Variants in DLGAP2 observed in about 807,000 individuals in gnomAD.
DLGAP2 encodes the protein DLG associated protein 2.
DLGAP2 carries 26 observed loss-of-function variants against 100.3 expected under a neutral mutation model. The observed-to-expected ratio is 0.26, with a 90% CI of 0.19 to 0.36. The LOEUF (loss-of-function observed/expected upper bound fraction) is 0.36. DLGAP2 is among the 10% of genes least tolerant of loss of function. The pLI is 1.00. For missense variants in DLGAP2, 1,858 were observed against 1,453.2 expected (o/e 1.28, Z -4.53); for synonymous variants, 886 against 630.1 (o/e 1.41, Z -6.08).
At chr8:1,164,892 C>A (rs1047357425) in intron 2 of DLGAP2, among the ~76,000 whole-genome samples, 3 of 152,062 alleles carry the variant, frequency 2.0e-5, no homozygotes, top group Non-Finnish European at 4.4e-5. Context: ...CTCTTGACCT[C>A]GTCTCCTGTA....
chr8:928,830 A>G (rs997949293), intron 2 of DLGAP2, among the ~76,000 whole-genome samples: 43 of 151,984 alleles, frequency 2.8e-4, no homozygotes, highest in African/African-American at 1.0e-3. Context: ...GATTTCACAG[A>G]GGAGGAAACA....
intron 2 of DLGAP2, among the ~76,000 whole-genome samples, chr8:1,132,411 T>C (rs1245788415): frequency 2.0e-5 from 3 of 152,206 alleles, no homozygotes; most frequent in East Asian, 3.8e-4. Flanking sequence ...ACAGTTAAGC[T>C]ACTTGTCTTT....
intron 2 of DLGAP2, among the ~76,000 whole-genome samples, chr8:1,130,511 T>C (rs1169521410): frequency 6.6e-6 from 1 of 152,196 alleles, no homozygotes; most frequent in Non-Finnish European, 1.5e-5. Context: ...GGATGGAGGC[T>C]CAATTAGGTG....
At chr8:915,549 A>G (rs1311151681) in intron 2 of DLGAP2, among the ~76,000 whole-genome samples, 1 of 54,746 alleles carries the variant, frequency 1.8e-5, no homozygotes, top group Non-Finnish European at 4.6e-5. Flanking sequence ...TCCATCTCTA[A>G]AAAAAAAAAA....
At chr8:932,315 A>C (rs1584900798) in intron 2 of DLGAP2, among the ~76,000 whole-genome samples, 1 of 152,236 alleles carries the variant, frequency 6.6e-6, no homozygotes, top group Admixed American at 6.5e-5. Flanking sequence ...CACACTGTGA[A>C]TAATTCATAG....
intron 3 of DLGAP2, among the ~76,000 whole-genome samples, chr8:1,460,229 A>G (rs550435115): frequency 2.0e-5 from 3 of 152,174 alleles, no homozygotes; most frequent in Non-Finnish European, 4.4e-5. Flanking sequence ...ACTGAAGACC[A>G]CTTGCTCCAA....
intron 1 of DLGAP2, among the ~76,000 whole-genome samples, chr8:804,135 T>C (rs1053798552): frequency 6.6e-6 from 1 of 152,172 alleles, no homozygotes; most frequent in Non-Finnish European, 1.5e-5. Flanking sequence ...AGGATTCTCA[T>C]TGTGGAGATC....
At position 1,427,100 on chromosome 8, in the gene DLGAP2, A is replaced by G. The variant is rs1797258031; in HGVS notation, c.107-74266A>G. ...GGCAAAATACAAAATAAAAGATAAG[A>G]AACACTACATAGGTTAAAAATCCAA... On this transcript the variant is annotated intron_variant, in intron 3 of 14. Transcript: ENST00000637795. Among the ~76,000 whole-genome samples, 3 of 152,244 alleles carry G rather than the reference A, an allele frequency of 2.0e-5. 1 individual carries two copies. The South Asian group carries it at 6.2e-4, about 31-fold the overall frequency.
chr8:759,812 G>T (rs752249687), intron 1 of DLGAP2, among the ~76,000 whole-genome samples: 6 of 152,150 alleles, frequency 3.9e-5, no homozygotes, highest in Non-Finnish European at 5.9e-5. Flanking sequence ...GTTGCTTTTA[G>T]TTCTTCCTTT....
intron 2 of DLGAP2, among the ~76,000 whole-genome samples, chr8:1,201,588 G>A (rs549554870): frequency 2.0e-5 from 3 of 152,264 alleles, no homozygotes; most frequent in South Asian, 4.1e-4. Flanking sequence ...TGTGGTCACC[G>A]GCACGGCAGG....
intron 2 of DLGAP2, among the ~76,000 whole-genome samples, chr8:1,185,935 G>C (rs941757918): frequency 1.3e-5 from 2 of 152,082 alleles, no homozygotes; most frequent in African/African-American, 4.8e-5. Flanking sequence ...TTCTCGCCTC[G>C]GAGTTCCATG....
At chr8:951,668 G>A (rs189953623) in intron 2 of DLGAP2, among the ~76,000 whole-genome samples, 31 of 152,266 alleles carry the variant, frequency 2.0e-4, no homozygotes, top group Non-Finnish European at 3.1e-4. Flanking sequence ...TGTGTACTGC[G>A]TGGCATGCTG....
chr8:1,252,601 T>A (rs1181605938), intron 2 of DLGAP2, among the ~76,000 whole-genome samples: 1 of 152,280 alleles, frequency 6.6e-6, no homozygotes, highest in Non-Finnish European at 1.5e-5. Flanking sequence ...TTACATCAAT[T>A]GCTTGCATGA....
rs568697416 is a variant in DLGAP2, at chr8:1,501,479, G to C, written c.172+48G>C. ...GCTCTGGCGGGGCCCGGACAGAACC[G>C]GGCATGCTCCGGGCACCTCCCATCA... is the stretch of plus-strand genomic sequence containing the variant. On this transcript the variant is annotated intron_variant, in intron 4 of 14. Transcript: ENST00000637795. The C allele has an allele frequency of 4.6e-6, 7 of 1,520,948 alleles. No individual in the cohort carries two copies. The South Asian group carries it at 7.2e-5, about 16-fold the overall frequency. The allele number at this position is 1,520,948 out of a possible 1,614,324, so 94.2% of individuals were successfully genotyped here.
chr8:824,821 C>T (rs1796655892), intron 1 of DLGAP2, among the ~76,000 whole-genome samples: 1 of 152,204 alleles, frequency 6.6e-6, no homozygotes, highest in Admixed American at 6.5e-5. Context: ...TTTCTGCCCA[C>T]TGGTTTGGTG....
At chr8:1,038,983 A>G (rs1407533255) in intron 2 of DLGAP2, among the ~76,000 whole-genome samples, 3 of 152,220 alleles carry the variant, frequency 2.0e-5, no homozygotes, top group Admixed American at 2.0e-4. Flanking sequence ...CACTGAAATC[A>G]TATAGCCTGT....
chr8:1,516,631 G>GTGAA (rs1800399922), intron 4 of DLGAP2, among the ~76,000 whole-genome samples: 1 of 148,972 alleles, frequency 6.7e-6, no homozygotes, highest in African/African-American at 2.5e-5. Context: ...GAGGGAAGGA[G>GTGAA]TGAATGAGTG....
intron 3 of DLGAP2, among the ~76,000 whole-genome samples, chr8:1,428,111 G>C (rs1480152138): frequency 6.6e-6 from 1 of 151,188 alleles, no homozygotes. Flanking sequence ...AATAAAATAA[G>C]AGAAAGAAAA....
In DLGAP2 at chr8:1,208,916, C is replaced by T. The variant is rs777484960; in HGVS notation, c.74-49935C>T. Among the ~76,000 whole-genome samples the T allele has an allele frequency of 9.9e-4, 146 of 147,910 alleles. 1 individual carries two copies. The highest frequency in any genetic ancestry group is 1.2e-3 in the Non-Finnish European group (81 of 67,104). On this transcript the variant is annotated intron_variant, in intron 2 of 14. Transcript: ENST00000637795. The stretch of plus-strand genomic sequence containing the variant: ...AATAAATAAATAAATAAATAAAATG[C>T]TTAGGAATATACCTAACCAAGGATG...
Sources: gnomAD v4.1 joint callset for allele counts (sites outside exome capture counted in the v4.1 genomes callset) on GRCh38, gnomAD v4.1.1 for gene constraint, MANE v1.5 for transcripts, NCBI Gene and HGNC (gene_info 2026-07-23, HGNC 2026-07-21) for gene names.